CHL1: variants seen among roughly 807,000 people sequenced by gnomAD.
The protein encoded by CHL1 is neural cell adhesion molecule L1-like protein.
Under a neutral mutation model 141.9 loss-of-function variants are expected in CHL1, and 96 were observed. The observed-to-expected ratio is 0.68, with a 90% CI of 0.57 to 0.80. CHL1 has a LOEUF of 0.80. Among genes scored for constraint, CHL1 ranks in the 30% least tolerant of loss-of-function variants. CHL1 has a pLI of 0.00. For synonymous variants in CHL1, 613 were observed against 502.2 expected, an observed-to-expected ratio of 1.22 and a Z score of -2.95; for missense variants, 1,820 against 1,457.2, an observed-to-expected ratio of 1.25 and a Z score of -4.05.
intron 2 of CHL1, among the ~76,000 whole-genome samples, chr3:318,757 C>G (rs1373422974): frequency 6.6e-6 from 1 of 151,244 alleles, no homozygotes; most frequent in Non-Finnish European, 1.5e-5. Context: ...CTGGAACTAT[C>G]CATCTTCTAT....
intron 2 of CHL1, among the ~76,000 whole-genome samples, chr3:249,067 A>G (rs1310496065): frequency 6.6e-6 from 1 of 152,220 alleles, no homozygotes; most frequent in Non-Finnish European, 1.5e-5. Context: ...ACATTGACAC[A>G]AATCACAGAC....
At chr3:399,388 T>C (rs538554453) in intron 26 of CHL1, among the ~76,000 whole-genome samples, 143 of 152,296 alleles carry the variant, frequency 9.4e-4, no homozygotes, top group African/African-American at 3.3e-3. Context: ...ACGCCTGTAA[T>C]TCCAGCAGTT....
At chr3:229,215 C>A (rs1681107613) in intron 1 of CHL1, among the ~76,000 whole-genome samples, 1 of 152,210 alleles carries the variant, frequency 6.6e-6, no homozygotes, top group East Asian at 1.9e-4. Context: ...GTTTTATGCC[C>A]AATATGATTT....
At chr3:292,879 T>C (rs905094791) in intron 2 of CHL1, among the ~76,000 whole-genome samples, 3 of 152,156 alleles carry the variant, frequency 2.0e-5, no homozygotes, top group African/African-American at 7.2e-5. Context: ...TCTACCCGCA[T>C]CACCCAGATA....
intron 1 of CHL1, among the ~76,000 whole-genome samples, chr3:226,008 A>T (rs1374285394): frequency 1.4e-5 from 2 of 143,138 alleles, no homozygotes; most frequent in Non-Finnish European, 3.1e-5. Context: ...GACTCTGTCT[A>T]AAAAAAAGAG....
chr3:275,829 TA>T (rs567047684), intron 2 of CHL1, among the ~76,000 whole-genome samples: 3 of 152,162 alleles, frequency 2.0e-5, no homozygotes, highest in East Asian at 1.9e-4. Context: ...TAAACTTACA[TA>T]AAAAAACTAG....
At chr3:325,884 A>T in intron 3 of CHL1, 75 bp from the exon 4 acceptor site, 1 of 922,704 alleles carries the variant, frequency 1.1e-6, no homozygotes, top group Non-Finnish European at 1.7e-6. Context: ...AAAGAGGTTT[A>T]AAGTGTTTTC....
chr3:351,807 A>G (rs1461680063), intron 10 of CHL1, among the ~76,000 whole-genome samples: 1 of 152,148 alleles, frequency 6.6e-6, no homozygotes, highest in African/African-American at 2.4e-5. Context: ...ATCAGACTGC[A>G]CTTCAAATCC....
rs1467928244 is a variant in CHL1, at chr3:370,302, A to G, written c.1751+4187A>G. Among the ~76,000 whole-genome samples, 6 of 152,166 alleles carry G rather than the reference A, an allele frequency of 3.9e-5. No homozygotes were observed. The South Asian group carries it at 1.2e-3, about 32-fold the overall frequency. ...TGTTATTGCTCTATTCAGGGATTCA[A>G]CTTCTTCTGGATTTAGTATTGGGAG... On this transcript the variant is annotated intron_variant, in intron 15 of 27. Coordinates refer to ENST00000256509, the MANE Select transcript of CHL1 (RefSeq NM_006614.4).
At chr3:404,609 T>A (rs1709388348) in intron 27 of CHL1, among the ~76,000 whole-genome samples, 1 of 152,192 alleles carries the variant, frequency 6.6e-6, no homozygotes, top group African/African-American at 2.4e-5. Flanking sequence ...CTTTCTGTCT[T>A]AAAATGTAAC....
At chr3:376,901 A>G (rs1706394076) in intron 15 of CHL1, among the ~76,000 whole-genome samples, 1 of 152,184 alleles carries the variant, frequency 6.6e-6, no homozygotes, top group Non-Finnish European at 1.5e-5. Flanking sequence ...TTCTGTCTAT[A>G]ATCAAAATAA....
At chr3:337,163 T>C (rs2125121310) in intron 5 of CHL1, among the ~76,000 whole-genome samples, 1 of 150,874 alleles carries the variant, frequency 6.6e-6, no homozygotes, top group South Asian at 2.1e-4. Flanking sequence ...TTGGTTATAA[T>C]GGGATTTCCA....
rs971644245 is a variant in CHL1 at position 389,416 on chromosome 3, C to A, written c.2412C>A (p.Ile804=). ...CTTATGATGTCAAGGTCCAGGCTAT[C>A]AATCAACTAGGATCTGGGCCTGACC... ...YAPYDVKVQA[I]NQLGSGPDPQ... is the part of the protein sequence containing the mutation. Residue 804 remains isoleucine (I), a synonymous_variant, in exon 20 of 28, where the codon ATC becomes ATA. Transcript: ENST00000256509. 2.5e-6 allele frequency: 4 copies of A among 1,614,098 alleles called. No homozygotes were observed. In the African/African-American group the frequency reaches 4.0e-5, roughly 16 times the overall value.
Position 332,501 on chromosome 3 carries a change from C to G in CHL1, c.385+4147C>G, listed in dbSNP as rs114784617. On this transcript the variant is annotated intron_variant, in intron 5 of 27. Transcript: ENST00000256509. ...AAATGGGTAGTAAGTGAATGGATTT[C>G]CATTGTGTTTCTTTCTTTCTTTGTG... Among the ~76,000 whole-genome samples, 1,230 of 152,144 alleles carry G rather than the reference C, an allele frequency of 8.1e-3. 18 individuals are homozygous for G. The highest frequency in any genetic ancestry group is 0.028 in the African/African-American group (1,178 of 41,514).
intron 5 of CHL1, among the ~76,000 whole-genome samples, chr3:333,390 C>T (rs977433525): frequency 6.6e-6 from 1 of 152,038 alleles, no homozygotes; most frequent in South Asian, 2.1e-4. Flanking sequence ...CTTTGTGATT[C>T]AAATGTTACA....
At chr3:226,023 G>A (rs1202189636) in intron 1 of CHL1, among the ~76,000 whole-genome samples, 2 of 150,458 alleles carry the variant, frequency 1.3e-5, no homozygotes, top group Non-Finnish European at 3.0e-5. Flanking sequence ...AAAGAGACAC[G>A]TTAATCTTAA....
intron 2 of CHL1, among the ~76,000 whole-genome samples, chr3:245,707 G>C (rs1270902742): frequency 6.6e-6 from 1 of 152,004 alleles, no homozygotes; most frequent in African/African-American, 2.4e-5. Flanking sequence ...AAATAATGAA[G>C]ACCATGTGGA....
chr3:341,055 TATG>T, intron 6 of CHL1, 139 bp downstream of exon 6: 1 of 862,018 alleles, frequency 1.2e-6, no homozygotes. Context: ...ATGCTACTAA[TATG>T]ATAAGATTTG....
At chr3:280,564 A>G (rs1233519316) in intron 2 of CHL1, among the ~76,000 whole-genome samples, 1 of 152,178 alleles carries the variant, frequency 6.6e-6, no homozygotes, top group Non-Finnish European at 1.5e-5. Context: ...GCTTCTGGTA[A>G]TTTTACTGTA....
Sources: gnomAD v4.1 joint callset for allele counts (sites outside exome capture counted in the v4.1 genomes callset) on GRCh38, gnomAD v4.1.1 for gene constraint, MANE v1.5 for transcripts, NCBI Gene and HGNC (gene_info 2026-07-23, HGNC 2026-07-21) for gene names.